PLS1: variants seen among roughly 807,000 people sequenced by gnomAD.
PLS1 encodes plastin-1.
Under a neutral mutation model 73.7 loss-of-function variants are expected in PLS1, and 32 were observed. That is an observed-to-expected ratio of 0.43 (90% CI 0.33 to 0.58). The LOEUF (loss-of-function observed/expected upper bound fraction) is 0.58, where lower values mean the gene tolerates loss of function less well. PLS1 is among the 20% of genes least tolerant of loss of function. The pLI, the probability that PLS1 is intolerant of heterozygous loss-of-function variation, is 0.04. For synonymous variants in PLS1, 217 were observed against 261.3 expected, an observed-to-expected ratio of 0.83 and a Z score of 1.63; for missense variants, 633 against 740.5, an observed-to-expected ratio of 0.85 and a Z score of 1.68.
rs138414808 is a variant in PLS1 at position 142,614,731 on chromosome 3, G to A, written c.-37+18222G>A. ...GGAGGAGTTATAAGAGCCTGTGATG[G>A]GTGCTTCAGGAGTATGGCGGCTATA... On this transcript the variant is annotated intron_variant, in intron 1 of 15. Transcript: ENST00000457734. Among the ~76,000 whole-genome samples, 3 of 152,256 alleles carry A rather than the reference G, an allele frequency of 2.0e-5. No individual in the cohort carries two copies. The East Asian group carries it at 5.8e-4, about 29-fold the overall frequency.
intron 1 of PLS1, among the ~76,000 whole-genome samples, chr3:142,617,025 C>T (rs1018047901): frequency 3.9e-5 from 6 of 152,170 alleles, no homozygotes; most frequent in African/African-American, 1.4e-4. Context: ...TGGACCATTG[C>T]CCAGTTAGCC....
intron 10 of PLS1, among the ~76,000 whole-genome samples, chr3:142,692,371 GA>G (rs1000151890): frequency 2.0e-5 from 3 of 151,726 alleles, no homozygotes; most frequent in Non-Finnish European, 4.4e-5. Context: ...GATCTAGGGG[GA>G]AAAAAAGGTT....
intron 1 of PLS1, among the ~76,000 whole-genome samples, chr3:142,600,912 A>AT (rs1560024555): frequency 3.8e-4 from 8 of 20,786 alleles, no homozygotes; most frequent in South Asian, 2.0e-3. Flanking sequence ...ATATATATAT[A>AT]TATATTTTTT....
chr3:142,654,852 A>C (rs2037186356), intron 1 of PLS1: 2 of 152,208 alleles, frequency 1.3e-5, no homozygotes, highest in Non-Finnish European at 2.9e-5. Context: ...TGACGTATAG[A>C]AACTCTTCAT....
chr3:142,665,162 A>T (rs1228746939), intron 2 of PLS1, among the ~76,000 whole-genome samples: 2 of 152,014 alleles, frequency 1.3e-5, no homozygotes, highest in East Asian at 3.8e-4. Flanking sequence ...GGAGAAAATG[A>T]TCACCGCTGG....
chr3:142,663,173 C>T (rs993920993), intron 1 of PLS1, among the ~76,000 whole-genome samples: 1 of 151,904 alleles, frequency 6.6e-6, no homozygotes, highest in African/African-American at 2.4e-5. Context: ...TGAGATCGTG[C>T]CATTGCACTC....
intron 14 of PLS1, among the ~76,000 whole-genome samples, chr3:142,707,433 G>A (rs115869899): frequency 9.9e-5 from 15 of 152,124 alleles, no homozygotes; most frequent in Admixed American, 5.9e-4. Flanking sequence ...TGAGTCCTTC[G>A]TGTCACTATG....
intron 2 of PLS1, among the ~76,000 whole-genome samples, chr3:142,665,876 A>G (rs2037470383): frequency 6.6e-6 from 1 of 151,972 alleles, no homozygotes; most frequent in Admixed American, 6.6e-5. Flanking sequence ...CTGCTCTGCT[A>G]GGTACAAAAC....
At chr3:142,691,253 A>G (rs2038080138) in intron 10 of PLS1, among the ~76,000 whole-genome samples, 1 of 152,180 alleles carries the variant, frequency 6.6e-6, no homozygotes, top group African/African-American at 2.4e-5. Flanking sequence ...CCCGTAAAAT[A>G]AAATAAAGAT....
chr3:142,637,930 T>C (rs2036730546), intron 1 of PLS1, among the ~76,000 whole-genome samples: 1 of 152,050 alleles, frequency 6.6e-6, no homozygotes, highest in South Asian at 2.1e-4. Context: ...CTCCATTCTT[T>C]ATTCCTCTAC....
intron 6 of PLS1, among the ~76,000 whole-genome samples, chr3:142,682,826 A>G (rs1006458937): frequency 2.0e-5 from 3 of 152,188 alleles, no homozygotes; most frequent in African/African-American, 7.2e-5. Context: ...AAAATCTTAG[A>G]TTTCCACAAA....
chr3:142,627,429 A>G (rs1397254005), intron 1 of PLS1, among the ~76,000 whole-genome samples: 1 of 152,212 alleles, frequency 6.6e-6, no homozygotes, highest in Non-Finnish European at 1.5e-5. Flanking sequence ...TACATCCAAA[A>G]TGGAACTTGA....
intron 1 of PLS1, among the ~76,000 whole-genome samples, chr3:142,615,094 G>C (rs138033239): frequency 6.6e-6 from 1 of 152,288 alleles, no homozygotes; most frequent in South Asian, 2.1e-4. Context: ...GGGTAGAGTG[G>C]GGGTAGTTAA....
At chr3:142,651,462 C>CAAAA (rs57909380) in intron 1 of PLS1, among the ~76,000 whole-genome samples, 8 of 102,292 alleles carry the variant, frequency 7.8e-5, no homozygotes, top group African/African-American at 3.0e-4. Flanking sequence ...AACTCTGTCT[C>CAAAA]AAAAAAAAAA....
At chr3:142,705,133 G>A (rs977689143) in intron 14 of PLS1, among the ~76,000 whole-genome samples, 1 of 151,906 alleles carries the variant, frequency 6.6e-6, no homozygotes, top group Admixed American at 6.6e-5. Flanking sequence ...TATAAATGTA[G>A]GTTAATATTA....
intron 1 of PLS1, among the ~76,000 whole-genome samples, chr3:142,651,947 A>T (rs1265776871): frequency 6.6e-6 from 1 of 152,174 alleles, no homozygotes; most frequent in Non-Finnish European, 1.5e-5. Flanking sequence ...CCAGGCCTGA[A>T]TCACACTTCT....
chr3:142,629,775 C>T (rs756833238), intron 1 of PLS1, among the ~76,000 whole-genome samples: 7 of 152,194 alleles, frequency 4.6e-5, no homozygotes, highest in Non-Finnish European at 1.0e-4. Flanking sequence ...TGTGGTTTCT[C>T]AACCTCAGCA....
At chr3:142,651,981 G>A (rs2037104452) in intron 1 of PLS1, among the ~76,000 whole-genome samples, 1 of 152,142 alleles carries the variant, frequency 6.6e-6, no homozygotes, top group East Asian at 1.9e-4. Context: ...GCCCTTGTAG[G>A]CTTAGAGACA....
intron 1 of PLS1, among the ~76,000 whole-genome samples, chr3:142,649,176 A>G (rs1280164064): frequency 1.3e-5 from 2 of 152,010 alleles, no homozygotes; most frequent in Non-Finnish European, 2.9e-5. Flanking sequence ...CTGAAGGTGA[A>G]TTAAAAGTTA....
Sources: gnomAD v4.1 joint callset for allele counts (sites outside exome capture counted in the v4.1 genomes callset) on GRCh38, gnomAD v4.1.1 for gene constraint, MANE v1.5 for transcripts, NCBI Gene and HGNC (gene_info 2026-07-23, HGNC 2026-07-21) for gene names.